GPHN: variants seen among roughly 807,000 people sequenced by gnomAD.
GPHN encodes the protein gephyrin.
A neutral mutation model predicts 95.5 loss-of-function variants in GPHN; 17 were observed. The ratio of observed to expected loss-of-function variants is 0.18; its 90% CI spans 0.12 to 0.27. GPHN has a LOEUF of 0.27. GPHN is among the 10% of genes least tolerant of loss of function. The pLI is 1.00. For synonymous variants in GPHN, 320 were observed against 322.5 expected (o/e 0.99, Z 0.08); for missense variants, 660 against 978.1 (o/e 0.67, Z 4.34).
At chr14:66,695,294 T>G (rs528817725) in intron 2 of GPHN, among the ~76,000 whole-genome samples, 1 of 152,362 alleles carries the variant, frequency 6.6e-6, no homozygotes, top group African/African-American at 2.4e-5. Flanking sequence ...CTACATTTTA[T>G]GTCATCATGG....
chr14:66,624,057 C>T lies in GPHN; in HGVS notation c.65-57050C>T, dbSNP rs548939388. On this transcript the variant is annotated intron_variant, in intron 1 of 22. Transcript: ENST00000478722. ...CTCATGTCCTTATCGTCCTTTTCCA[C>T]TCCCAGTACTCTCTGCTCCCCAGAT... Among the ~76,000 whole-genome samples the T allele has an allele frequency of 9.2e-5, 14 of 152,296 alleles. 1 individual carries two copies. In the South Asian group the frequency reaches 2.5e-3, roughly 27 times the overall value.
intron 1 of GPHN, among the ~76,000 whole-genome samples, chr14:66,522,812 G>C (rs1275498364): frequency 6.8e-6 from 1 of 146,588 alleles, no homozygotes; most frequent in African/African-American, 2.5e-5. Context: ...TTTTTTTCCT[G>C]TTAAAATGTT....
At chr14:67,590,232 G>A in the GPHN span, 1 of 1,335,394 alleles carries the variant, frequency 7.5e-7, no homozygotes. Context: ...GTGCAGTGGT[G>A]CTGCATCCAC....
chr14:66,836,712 T>C, intron 4 of GPHN, among the ~76,000 whole-genome samples: 1 of 149,130 alleles, frequency 6.7e-6, no homozygotes, highest in Non-Finnish European at 1.5e-5. Flanking sequence ...AGCACTAATA[T>C]CCAGAATCTA....
intron 16 of GPHN, among the ~76,000 whole-genome samples, chr14:67,117,660 G>T (rs2078769931): frequency 6.6e-6 from 1 of 152,132 alleles, no homozygotes; most frequent in Non-Finnish European, 1.5e-5. Context: ...ACACAACAAT[G>T]TGGCCAACTG....
chr14:66,533,546 G>A (rs1566557481), intron 1 of GPHN, among the ~76,000 whole-genome samples: 1 of 152,328 alleles, frequency 6.6e-6, no homozygotes, highest in Non-Finnish European at 1.5e-5. Flanking sequence ...CTGAATGGCT[G>A]TAGGAGGGAT....
chr14:66,961,406 G>T (rs2068889286), intron 8 of GPHN, among the ~76,000 whole-genome samples: 1 of 151,812 alleles, frequency 6.6e-6, no homozygotes, highest in Non-Finnish European at 1.5e-5. Flanking sequence ...GGAAAATATT[G>T]ATATATTTAG....
chr14:67,134,950 C>CTTTTTTTTTTTTTTTTTTTTTT (rs2079966122), intron 17 of GPHN, among the ~76,000 whole-genome samples: 1 of 48,990 alleles, frequency 2.0e-5, no homozygotes, highest in African/African-American at 8.5e-5. Context: ...TTCTTTCTTT[C>CTTTTTTTTTTTTTTTTTTTTTT]TTCTTTTTTT....
At chr14:66,854,490 T>C (rs1323314033) in intron 4 of GPHN, among the ~76,000 whole-genome samples, 1 of 152,220 alleles carries the variant, frequency 6.6e-6, no homozygotes, top group East Asian at 1.9e-4. Context: ...TTAGATAAAA[T>C]AGTGGAACAC....
chr14:66,961,384 AC>A (rs2068887914), intron 8 of GPHN, among the ~76,000 whole-genome samples: 1 of 152,060 alleles, frequency 6.6e-6, no homozygotes. Context: ...CACAAAAACC[AC>A]TAACCATAAA....
At chr14:67,406,196 T>C in the GPHN span, among the ~76,000 whole-genome samples, 3 of 150,404 alleles carry the variant, frequency 2.0e-5, no homozygotes, top group Non-Finnish European at 1.5e-5. Flanking sequence ...GAGGAGGAGG[T>C]TGCAGTGAGC....
the GPHN span, among the ~76,000 whole-genome samples, chr14:67,296,579 C>A: frequency 1.1e-5 from 1 of 89,768 alleles, no homozygotes; most frequent in Admixed American, 1.7e-4. Context: ...GAGTGAAACT[C>A]TGTCTCAAAA....
intron 1 of GPHN, among the ~76,000 whole-genome samples, chr14:66,527,629 A>G (rs759179164): frequency 8.1e-4 from 123 of 152,036 alleles, no homozygotes; most frequent in Non-Finnish European, 1.4e-3. Flanking sequence ...GCTCTAAACA[A>G]TGCTTTAGCT....
chr14:67,389,779 T>G, the GPHN span, among the ~76,000 whole-genome samples: 1 of 151,860 alleles, frequency 6.6e-6, no homozygotes, highest in Non-Finnish European at 1.5e-5. Context: ...TTTTTTCTTT[T>G]TTTTTTTTTT....
chr14:67,522,154 C>T, the GPHN span, among the ~76,000 whole-genome samples: 19 of 152,004 alleles, frequency 1.2e-4, no homozygotes, highest in Admixed American at 9.2e-4. Flanking sequence ...GCCTGGGTGA[C>T]GGAGTGAGAC....
chr14:67,195,713 T>TTGTGTGTGTGTG, the GPHN span, among the ~76,000 whole-genome samples: 3 of 143,232 alleles, frequency 2.1e-5, no homozygotes, highest in African/African-American at 7.6e-5. Context: ...TTCTTTTTGG[T>TTGTGTGTGTGTG]TGTGTGTGTG....
Position 67,122,351 on chromosome 14 carries a change from G to T in GPHN, c.1722G>T (p.Thr574=), listed in dbSNP as rs774161949. The T allele has an allele frequency of 6.2e-7, 1 of 1,612,914 alleles. No homozygotes were observed. Among genetic ancestry groups the T allele is most frequent in the Non-Finnish European group, 8.5e-7 (1 of 1,178,998 alleles). The part of the protein sequence containing the change: ...LATIQEHGYP[T]INLGIVGDNP... ...CAATTCAGGAACATGGTTACCCCAC[G>T]ATCAACTTGGGTATTGTAGGAGACA... The change falls in exon 17 of 23, where the codon ACG becomes ACT. Residue 574 remains threonine, a synonymous_variant. Coordinates refer to ENST00000478722, the MANE Select transcript of GPHN (RefSeq NM_020806.5).
chr14:66,633,124 T>A (rs2063910068), intron 1 of GPHN, among the ~76,000 whole-genome samples: 1 of 152,226 alleles, frequency 6.6e-6, no homozygotes, highest in East Asian at 1.9e-4. Flanking sequence ...TTTAATCATA[T>A]ACTGTCACAT....
chr14:67,030,058 T>C (rs915513049), intron 10 of GPHN, among the ~76,000 whole-genome samples: 1 of 151,602 alleles, frequency 6.6e-6, no homozygotes, highest in Non-Finnish European at 1.5e-5. Flanking sequence ...AGATCTTCCA[T>C]TCACACTCTA....
Sources: allele counts gnomAD v4.1 joint callset (sites outside exome capture counted in the v4.1 genomes callset), GRCh38; gene constraint gnomAD v4.1.1; transcripts MANE v1.5; gene names NCBI Gene and HGNC (gene_info 2026-07-23, HGNC 2026-07-21).